The following SUGCT variants were observed in gnomAD, a reference collection of about 807,000 sequenced individuals.
SUGCT encodes succinyl-CoA:glutarate-CoA transferase.
Under a neutral mutation model 55.0 loss-of-function variants are expected in SUGCT, and 41 were observed. The observed-to-expected ratio is 0.74, with a 90% CI of 0.58 to 0.97. SUGCT has a LOEUF of 0.97. Ranked by LOEUF, SUGCT falls within the 50% of genes least tolerant of loss-of-function variation. SUGCT has a pLI of 0.00. For missense variants in SUGCT, 568 were observed against 547.8 expected (o/e 1.04, Z -0.37); for synonymous variants, 187 against 200.4 (o/e 0.93, Z 0.56).
chr7:40,138,073 T>A (rs1405530531), intron 1 of SUGCT, among the ~76,000 whole-genome samples: 1 of 152,178 alleles, frequency 6.6e-6, no homozygotes, highest in Non-Finnish European at 1.5e-5. Context: ...GTCAGGGCCT[T>A]CAGTGCATCC....
At chr7:40,935,604 A>T in the SUGCT span, among the ~76,000 whole-genome samples, 2 of 152,236 alleles carry the variant, frequency 1.3e-5, no homozygotes, top group Non-Finnish European at 2.9e-5. Context: ...TTATGGCCGA[A>T]TAATATTCCA....
intron 11 of SUGCT, among the ~76,000 whole-genome samples, chr7:40,494,538 TA>T (rs1234122307): frequency 1.3e-5 from 2 of 152,178 alleles, no homozygotes; most frequent in Non-Finnish European, 2.9e-5. Flanking sequence ...GTATACCAAA[TA>T]GGGGTAGTTA....
intron 8 of SUGCT, among the ~76,000 whole-genome samples, chr7:40,283,754 A>G (rs13229032): frequency 6.6e-6 from 1 of 152,170 alleles, no homozygotes; most frequent in Non-Finnish European, 1.5e-5. Flanking sequence ...GTTATGGAAA[A>G]CAGTATGGGG....
chr7:40,763,987 C>T (rs534546645), intron 13 of SUGCT, among the ~76,000 whole-genome samples: 1 of 152,168 alleles, frequency 6.6e-6, no homozygotes, highest in African/African-American at 2.4e-5. Context: ...CAACAGCAGG[C>T]CTAGGGTAAA....
chr7:40,933,292 C>T, the SUGCT span, among the ~76,000 whole-genome samples: 20 of 152,176 alleles, frequency 1.3e-4, no homozygotes, highest in Non-Finnish European at 2.5e-4. Context: ...GGGTTTCTGC[C>T]GAGAGATCTG....
At chr7:40,986,418 C>T in the SUGCT span, among the ~76,000 whole-genome samples, 1,081 of 152,182 alleles carry the variant, frequency 7.1e-3, 12 homozygotes, top group African/African-American at 0.024. Context: ...GAAAACCATC[C>T]CAGCTTACTC....
At chr7:40,948,201 T>C in the SUGCT span, among the ~76,000 whole-genome samples, 1 of 152,176 alleles carries the variant, frequency 6.6e-6, no homozygotes, top group Non-Finnish European at 1.5e-5. Context: ...GTTTAGTTCT[T>C]TATTTGTTAT....
At chr7:40,844,121 A>C (rs1359841421) in intron 13 of SUGCT, among the ~76,000 whole-genome samples, 1 of 152,066 alleles carries the variant, frequency 6.6e-6, no homozygotes, top group Non-Finnish European at 1.5e-5. Context: ...AGCATGTTAC[A>C]ATGCTTTTTT....
intron 13 of SUGCT, among the ~76,000 whole-genome samples, chr7:40,842,038 G>A (rs1294642228): frequency 2.0e-5 from 3 of 152,100 alleles, no homozygotes; most frequent in Admixed American, 6.5e-5. Flanking sequence ...AATAACCACA[G>A]AATTAATATT....
intron 13 of SUGCT, among the ~76,000 whole-genome samples, chr7:40,770,997 C>T (rs924997613): frequency 6.6e-6 from 1 of 152,222 alleles, no homozygotes; most frequent in African/African-American, 2.4e-5. Flanking sequence ...AACTAATTAA[C>T]CCTGAAAAAT....
At chr7:40,228,769 G>A (rs1271984248) in intron 6 of SUGCT, among the ~76,000 whole-genome samples, 6 of 152,130 alleles carry the variant, frequency 3.9e-5, no homozygotes, top group African/African-American at 1.4e-4. Flanking sequence ...CTGAGGTATA[G>A]GCAGGAGAGA....
intron 9 of SUGCT, among the ~76,000 whole-genome samples, chr7:40,374,678 A>G (rs1205436900): frequency 1.3e-5 from 2 of 152,178 alleles, no homozygotes; most frequent in African/African-American, 2.4e-5. Context: ...AGGTCTAAAA[A>G]GGTTTTTCTT....
chr7:40,908,652 A>G, the SUGCT span, among the ~76,000 whole-genome samples: 3 of 152,156 alleles, frequency 2.0e-5, no homozygotes, highest in Non-Finnish European at 4.4e-5. Flanking sequence ...TTGTAATACC[A>G]TATAATATAA....
the SUGCT span, among the ~76,000 whole-genome samples, chr7:40,986,905 A>G: frequency 6.6e-6 from 1 of 152,202 alleles, no homozygotes; most frequent in South Asian, 2.1e-4. Flanking sequence ...CACCTCCTCC[A>G]GAAAGTCTCT....
chr7:40,736,422 AT>A (rs1787170466), intron 12 of SUGCT, among the ~76,000 whole-genome samples: 1 of 151,396 alleles, frequency 6.6e-6, no homozygotes, highest in Non-Finnish European at 1.5e-5. Flanking sequence ...ATGCTTAGGA[AT>A]TTTCCAAAAC....
At chr7:40,526,253 T>C (rs1301023812) in intron 12 of SUGCT, among the ~76,000 whole-genome samples, 2 of 152,116 alleles carry the variant, frequency 1.3e-5, no homozygotes, top group Non-Finnish European at 2.9e-5. Flanking sequence ...ATGAGTTGCA[T>C]TGACTTGGTA....
intron 7 of SUGCT, among the ~76,000 whole-genome samples, chr7:40,247,938 T>TG (rs1790015090): frequency 6.6e-6 from 1 of 152,174 alleles, no homozygotes; most frequent in African/African-American, 2.4e-5. Context: ...CTTTAAGAAA[T>TG]CTTTGCTTAC....
At chr7:40,272,112 T>G (rs1188994363) in intron 7 of SUGCT, among the ~76,000 whole-genome samples, 12 of 80,810 alleles carry the variant, frequency 1.5e-4, no homozygotes, top group Admixed American at 5.9e-4. Flanking sequence ...TATATATATA[T>G]GGATGTTTCA....
intron 9 of SUGCT, among the ~76,000 whole-genome samples, chr7:40,361,860 A>C (rs1049027519): frequency 8.5e-5 from 13 of 152,134 alleles, no homozygotes; most frequent in African/African-American, 3.1e-4. Flanking sequence ...TTGGAATCAC[A>C]TGGGGATCTT....
Sources: allele counts gnomAD v4.1 joint callset (sites outside exome capture counted in the v4.1 genomes callset), GRCh38; gene constraint gnomAD v4.1.1; transcripts MANE v1.5; gene names NCBI Gene and HGNC (gene_info 2026-07-23, HGNC 2026-07-21).